RB1: variants seen among roughly 807,000 people sequenced by gnomAD.
The protein encoded by RB1 is retinoblastoma-associated protein.
Under a neutral mutation model 135.4 loss-of-function variants are expected in RB1, and 18 were observed. The observed-to-expected ratio is 0.13, with a 90% CI of 0.09 to 0.20. The LOEUF is 0.20. Among genes scored for constraint, RB1 ranks in the 10% least tolerant of loss-of-function variants. The probability of loss-of-function intolerance (pLI) is 1.00; values close to 1 mark genes in which losing one functional copy is unlikely to be tolerated. For synonymous variants in RB1, 365 were observed against 373.2 expected, an observed-to-expected ratio of 0.98 and a Z score of 0.25; for missense variants, 868 against 1,110.0, an observed-to-expected ratio of 0.78 and a Z score of 3.10.
intron 2 of RB1, among the ~76,000 whole-genome samples, chr13:48,338,744 G>T (rs747420768): frequency 7.2e-5 from 11 of 152,194 alleles, no homozygotes; most frequent in Non-Finnish European, 1.3e-4. Context: ...CTTTGGAGGG[G>T]GAGAGGCACT....
rs1178296686 is a variant in RB1 at position 48,319,138 on chromosome 13, C to T, written c.264+11732C>T. On this transcript the variant is annotated intron_variant, in intron 2 of 26. Transcript: ENST00000267163. This position sits in a 1 kb window ranked among gnomAD's most constrained non-coding sequence, Gnocchi z 5.0. ...CTGGAGGCGGAGCTTTGGTTTCCTTCGGGAGCTTGTGGGGAATGGTCAGCG... is the reference window on the plus strand; with the variant it reads ...CTGGAGGCGGAGCTTTGGTTTCCTTTGGGAGCTTGTGGGGAATGGTCAGCG... 3 of 606,042 alleles carry T rather than the reference C, an allele frequency of 5.0e-6. No individual in the cohort carries two copies. In the East Asian group the frequency reaches 1.2e-4, roughly 23 times the overall value. The allele number at this position is 606,042 out of a possible 1,614,324, so 37.5% of individuals were successfully genotyped here. A position where few individuals can be genotyped will look rare whatever the true frequency, so the allele number is the denominator to read the frequency against.
At chr13:48,420,099 G>A (rs896473142) in intron 17 of RB1, among the ~76,000 whole-genome samples, 29 of 152,056 alleles carry the variant, frequency 1.9e-4, no homozygotes, top group Admixed American at 3.3e-4. Flanking sequence ...AGAAAATTTC[G>A]GCCAATATCC....
At chr13:48,318,867 A>G in intron 2 of RB1, 1 of 1,120,396 alleles carries the variant, frequency 8.9e-7, no homozygotes, top group Non-Finnish European at 1.3e-6. Flanking sequence ...GAGGGTCAAA[A>G]CGTCTGGATT....
chr13:48,355,998 G>A (rs543269995), intron 6 of RB1, among the ~76,000 whole-genome samples: 125 of 152,058 alleles, frequency 8.2e-4, no homozygotes, highest in African/African-American at 2.5e-3. Flanking sequence ...AGACTTTATA[G>A]CACAACAGGG....
chr13:48,349,756 A>T (rs909643246), intron 6 of RB1, among the ~76,000 whole-genome samples: 64 of 152,092 alleles, frequency 4.2e-4, no homozygotes, highest in Non-Finnish European at 4.4e-5. Flanking sequence ...TGGTTGAATG[A>T]TGGAAAAACA....
At chr13:48,419,210 T>C (rs1230031580) in intron 17 of RB1, among the ~76,000 whole-genome samples, 2 of 152,056 alleles carry the variant, frequency 1.3e-5, no homozygotes, top group African/African-American at 4.8e-5. Flanking sequence ...TGCAATCAAA[T>C]TAGAACTCAG....
chr13:48,401,918 G>T (rs1948695530), intron 17 of RB1, among the ~76,000 whole-genome samples: 1 of 151,938 alleles, frequency 6.6e-6, no homozygotes, highest in African/African-American at 2.4e-5. Flanking sequence ...AATCTGTCTT[G>T]CTATCTTTTA....
rs1012509186 is a variant in RB1, at chr13:48,363,103, A to C, written c.861+146A>C. The stretch of plus-strand genomic sequence containing the variant: ...TGCAGTAGCAAAATATTTAGAAAAA[A>C]TTAATTCGTTATATTTAGTTACTTT... On this transcript the variant is annotated intron_variant, in intron 8 of 26. Transcript: ENST00000267163. 3.9e-6 allele frequency: 4 copies of C among 1,013,284 alleles called. No individual in the cohort carries two copies. The African/African-American group carries it at 6.5e-5, about 16-fold the overall frequency. The allele number at this position is 1,013,284 out of a possible 1,614,324, so 62.8% of individuals were successfully genotyped here. A position where few individuals can be genotyped will look rare whatever the true frequency, so the allele number is the denominator to read the frequency against.
chr13:48,316,719 TCACACACACACACACACACACACA>T (rs60176662), intron 2 of RB1: 2,880 of 107,614 alleles, frequency 0.027, 67 homozygotes, highest in African/African-American at 0.051. Context: ...CACAGAACCA[TCACACACACACACACACACACACA>T]CACACACACA....
intron 17 of RB1, 103 bp downstream of exon 17, chr13:48,381,546 G>A: frequency 9.6e-7 from 1 of 1,036,582 alleles, no homozygotes; most frequent in Non-Finnish European, 1.5e-6. Context: ...AACATATAGG[G>A]AATTTAATGA....
At chr13:48,396,209 A>G (rs1168892159) in intron 17 of RB1, among the ~76,000 whole-genome samples, 4 of 152,218 alleles carry the variant, frequency 2.6e-5, no homozygotes, top group Non-Finnish European at 4.4e-5. Context: ...AGCAAAAAGA[A>G]CAAAGCTGGA....
chr13:48,392,782 GTA>G (rs1948621157), intron 17 of RB1, among the ~76,000 whole-genome samples: 2 of 151,522 alleles, frequency 1.3e-5, no homozygotes, highest in African/African-American at 2.4e-5. Context: ...TTTAAGAGTC[GTA>G]TGTTTCTGCT....
chr13:48,475,437 C>T (rs1391005036), intron 24 of RB1, among the ~76,000 whole-genome samples: 1 of 152,218 alleles, frequency 6.6e-6, no homozygotes. Context: ...GGCTGATCCT[C>T]GATGGCTATT....
intron 2 of RB1, chr13:48,341,136 T>C (rs1023729074): frequency 1.3e-5 from 2 of 152,104 alleles, no homozygotes; most frequent in Non-Finnish European, 2.9e-5. Context: ...ACTTTAAAGA[T>C]TGGTTTTGCC....
At chr13:48,464,925 A>G in intron 21 of RB1, 73 bp from the exon 22 acceptor site, 1 of 1,460,464 alleles carries the variant, frequency 6.8e-7, no homozygotes, top group Non-Finnish European at 9.1e-7. Flanking sequence ...CTAAAGGTAG[A>G]AATTTTAAAA....
At chr13:48,372,254 A>T (rs1952766015) in intron 11 of RB1, among the ~76,000 whole-genome samples, 1 of 152,234 alleles carries the variant, frequency 6.6e-6, no homozygotes, top group African/African-American at 2.4e-5. Context: ...CAAGTATTAG[A>T]ACAAATGAGA....
intron 17 of RB1, among the ~76,000 whole-genome samples, chr13:48,436,782 T>G (rs1019503327): frequency 6.6e-6 from 1 of 152,236 alleles, no homozygotes; most frequent in African/African-American, 2.4e-5. Flanking sequence ...ATTCTTCTAT[T>G]TTCTATTCTA....
Position 48,319,281 on chromosome 13 carries a change from G to T in RB1, c.264+11875G>T. ...TTGTGGCGCTGCTTGTGCTGTGTGC[G>T]GGGTCAGGCGTCCTCTCTCCTCCCG... On this transcript the variant is annotated intron_variant, in intron 2 of 26. Coordinates refer to ENST00000267163, the MANE Select transcript of RB1 (RefSeq NM_000321.3). The surrounding 1 kb of genome is among the most constrained non-coding windows in gnomAD (Gnocchi z 5.0). 1.3e-6 allele frequency: 1 copy of T among 760,790 alleles called. No individual in the cohort carries two copies. Among genetic ancestry groups the T allele is most frequent in the East Asian group, 3.8e-5 (1 of 26,618 alleles). 47.1% of individuals were successfully genotyped at this position (760,790 alleles called of 1,614,324 possible).
Position 48,465,108 on chromosome 13 carries a change from C to T in RB1, c.2322C>T (p.Thr774=), listed in dbSNP as rs2138345058. Residue 774 remains threonine (T), a synonymous_variant, in exon 22 of 27, where the codon ACC becomes ACT. Coordinates refer to ENST00000267163, the MANE Select transcript of RB1 (RefSeq NM_000321.3). The part of the protein sequence containing the change: ...LKTNILQYAS[T]RPPTLSPIPH... ...CAAATATTTTGCAGTATGCTTCCAC[C>T]AGGGTAGGTCAAAAGTATCCTTTGA... 6.2e-7 allele frequency: 1 copy of T among 1,613,764 alleles called. No individual in the cohort carries two copies. The highest frequency in any genetic ancestry group is 1.1e-5 in the South Asian group (1 of 91,072).
Sources: gnomAD v4.1 joint callset for allele counts (sites outside exome capture counted in the v4.1 genomes callset) on GRCh38, gnomAD v4.1.1 for gene constraint, Gnocchi (gnomAD v3.1) non-coding constraint, MANE v1.5 for transcripts, NCBI Gene and HGNC (gene_info 2026-07-23, HGNC 2026-07-21) for gene names.